Variants in PMEL observed in about 807,000 individuals in gnomAD.
The protein encoded by PMEL is melanocyte protein PMEL.
In PMEL, 53 loss-of-function variants were observed where a neutral mutation model predicts 64.9. That is an observed-to-expected ratio of 0.82 (90% confidence interval 0.66 to 1.03). The LOEUF (loss-of-function observed/expected upper bound fraction) is 1.03. Among genes scored for constraint, PMEL ranks in the 50% least tolerant of loss-of-function variants. The probability of loss-of-function intolerance (pLI) is 0.00; values close to 1 mark genes in which losing one functional copy is unlikely to be tolerated. For synonymous variants in PMEL, 299 were observed against 316.2 expected (o/e 0.95, Z 0.58); for missense variants, 716 against 814.9 (o/e 0.88, Z 1.48).
At chr12:55,962,585 G>A (rs557008536) in intron 1 of PMEL, among the ~76,000 whole-genome samples, 6 of 132,396 alleles carry the variant, frequency 4.5e-5, no homozygotes, top group African/African-American at 8.8e-5. Flanking sequence ...ATGCAGTGGC[G>A]TGATCTTGGC....
intron 3 of PMEL, 193 bp downstream of exon 3, chr12:55,961,123 TG>T (rs1889086264): frequency 2.0e-6 from 1 of 503,064 alleles, no homozygotes; most frequent in South Asian, 2.2e-5. Flanking sequence ...GAGAATGGCG[TG>T]AACCCGGGAG....
At position 55,960,410 on chromosome 12, in the gene PMEL, CTG is replaced by C. The variant is rs568857082; in HGVS notation, c.334+905_334+906del. Among the ~76,000 whole-genome samples the C allele has an allele frequency of 3.3e-5, 5 of 151,930 alleles. No homozygotes were observed. The South Asian group carries it at 8.3e-4, about 25-fold the overall frequency. On this transcript the variant is annotated intron_variant, in intron 3 of 10. Coordinates refer to ENST00000548747, the MANE Select transcript of PMEL (RefSeq NM_001384361.1). ...TTTCTTTTTGAGACAGGGTCTCACT[CTG>C]TCACCCAGGCTGAAGTACAGTGGCG...
At chr12:55,963,512 C>T (rs1268829753) in intron 1 of PMEL, among the ~76,000 whole-genome samples, 2 of 152,308 alleles carry the variant, frequency 1.3e-5, no homozygotes, top group South Asian at 2.1e-4. Context: ...TGCATAAGCA[C>T]AATGTCATTT....
Position 55,956,980 on chromosome 12 carries a change from G to A in PMEL, c.1323C>T (p.Ala441=), listed in dbSNP as rs765900651. 5.0e-6 allele frequency: 8 copies of A among 1,614,170 alleles called. No homozygotes were observed. The Admixed American group carries it at 1.2e-4, about 24-fold the overall frequency. ...TACTTTCCGTAGACATGATTGAGCTGGCATCTGGACCTTCAGGCTCAGGGA... is the reference window on the plus strand; with the variant it reads ...TACTTTCCGTAGACATGATTGAGCTAGCATCTGGACCTTCAGGCTCAGGGA... ...LPIPEPEGPD[A]SSIMSTESIT... The change falls in exon 6 of 11, where the codon GCC becomes GCT. Residue 441 remains alanine (A), a synonymous_variant. Coordinates refer to ENST00000548747, the MANE Select transcript of PMEL (RefSeq NM_001384361.1).
At position 55,957,965 on chromosome 12, in the gene PMEL, A is replaced by G. The variant is rs1888956601; in HGVS notation, c.589T>C (p.Tyr197His). 1 of 1,614,092 alleles carries G rather than the reference A, an allele frequency of 6.2e-7. No homozygotes were observed. The highest frequency in any genetic ancestry group is 1.7e-5 in the Admixed American group (1 of 60,004). Residue 197 changes from tyrosine to histidine, a missense_variant, in exon 5 of 11, where the codon TAT (tyrosine) becomes CAT (histidine). By Grantham distance (83) the Tyr-to-His change is moderately conservative. Coordinates refer to ENST00000548747, the MANE Select transcript of PMEL (RefSeq NM_001384361.1). ...GAGCTGGAATGAGCAAGAGGCACATAGCTCCGGGATCCCCGGCGATGGTAG... is the reference window on the plus strand; with the variant it reads ...GAGCTGGAATGAGCAAGAGGCACATGGCTCCGGGATCCCCGGCGATGGTAG... Reference protein sequence around the residue: ...TVYHRRGSRSYVPLAHSSSAF... With the variant: ...TVYHRRGSRSHVPLAHSSSAF...
At chr12:55,963,806 G>A (rs1056180476) in intron 1 of PMEL, among the ~76,000 whole-genome samples, 1 of 152,130 alleles carries the variant, frequency 6.6e-6, no homozygotes, top group African/African-American at 2.4e-5. Flanking sequence ...GGGATATAAT[G>A]TATGTATTTC....
rs1461468952 is a variant in PMEL at position 55,959,227 on chromosome 12, TA to T, written c.335-621del. Among the ~76,000 whole-genome samples the T allele has an allele frequency of 4.7e-5, 7 of 150,176 alleles. No homozygotes were observed. The East Asian group carries it at 8.1e-4, about 17-fold the overall frequency. ...AGACCCTGTCTCTACAAAATACATTTAAAAAAAATTAGCCAGGTGTGGTGGT... is the reference window on the plus strand; with the variant it reads ...AGACCCTGTCTCTACAAAATACATTTAAAAAAATTAGCCAGGTGTGGTGGT... On this transcript the variant is annotated intron_variant, in intron 3 of 10. Transcript: ENST00000548747.
chr12:55,958,316 G>A, intron 4 of PMEL, 157 bp downstream of exon 4: 1 of 816,628 alleles, frequency 1.2e-6, no homozygotes, highest in Non-Finnish European at 1.9e-6. Context: ...AGAGTTGAAG[G>A]GGGCTAGGTG....
At chr12:55,959,362 G>A (rs1205575630) in intron 3 of PMEL, among the ~76,000 whole-genome samples, 2 of 151,066 alleles carry the variant, frequency 1.3e-5, no homozygotes, top group Non-Finnish European at 2.9e-5. Context: ...TCCAGCCTGG[G>A]AGAGAGAGAA....
Position 55,958,489 on chromosome 12 carries a change from A to G in PMEL, c.453T>C (p.Tyr151=). 1 of 1,614,126 alleles carries G rather than the reference A, an allele frequency of 6.2e-7. No homozygotes were observed. Among genetic ancestry groups the G allele is most frequent in the Non-Finnish European group, 8.5e-7 (1 of 1,180,000 alleles). The stretch of plus-strand genomic sequence containing the variant: ...GTCCCTCACCCCAGGTCTTCCAGAC[A>G]TAAACAAAGCTTCTCTTCTGAGACC... ...GSWSQKRSFV[Y]VWKTWGQYWQ... is the part of the protein sequence containing the mutation. Residue 151 remains tyrosine, a synonymous_variant, in exon 4 of 11, where the codon TAT becomes TAC. Transcript: ENST00000548747.
Position 55,955,640 on chromosome 12 carries a change from G to T in PMEL, c.1586C>A (p.Ser529Ter). Residue 529 changes from serine (S) to a stop codon, truncating the protein, a stop_gained, in exon 9 of 11, where the codon TCA becomes TAA. Transcript: ENST00000548747. LOFTEE classifies it high-confidence loss of function. Reference sequence around the variant, plus strand: ...GGCAGGGGGCTGGCACCCTGGCGATGAGATCTCCATGCAGGCTTCCTTGGG... The same window carrying T: ...GGCAGGGGGCTGGCACCCTGGCGATTAGATCTCCATGCAGGCTTCCTTGGG... ...GLPKEACMEI[S>*]SPGCQPPAQR... The T allele has an allele frequency of 6.2e-7, 1 of 1,613,436 alleles. No individual in the cohort carries two copies.
At chr12:55,954,731 C>G (rs1040177943) in intron 10 of PMEL, among the ~76,000 whole-genome samples, 2 of 152,170 alleles carry the variant, frequency 1.3e-5, no homozygotes, top group Non-Finnish European at 2.9e-5. Flanking sequence ...TGGCGAAACC[C>G]TGTCTTTACT....
chr12:55,956,911 C>T (rs1191284586), intron 6 of PMEL, 38 bp downstream of exon 6: 3 of 1,595,408 alleles, frequency 1.9e-6, no homozygotes, highest in South Asian at 1.1e-5. Flanking sequence ...AGTAGGGTAC[C>T]CCACCTCCGT....
intron 1 of PMEL, among the ~76,000 whole-genome samples, chr12:55,964,533 T>A (rs1889214956): frequency 6.6e-6 from 1 of 152,092 alleles, no homozygotes; most frequent in African/African-American, 2.4e-5. Flanking sequence ...CTTGAACTCC[T>A]GGGCTCAAGC....
chr12:55,962,468 A>C (rs1180684870), intron 1 of PMEL, among the ~76,000 whole-genome samples: 1 of 146,494 alleles, frequency 6.8e-6, no homozygotes, highest in African/African-American at 2.6e-5. Context: ...AAAAAAAAAA[A>C]AAACACAAAA....
intron 4 of PMEL, 84 bp downstream of exon 4, chr12:55,958,389 G>C: frequency 7.3e-7 from 1 of 1,375,322 alleles, no homozygotes. Flanking sequence ...AAGTTAAGGT[G>C]GAAGGGGCGG....
chr12:55,961,638 T>C lies in PMEL; in HGVS notation c.171A>G (p.Arg57=). 6.2e-7 allele frequency: 1 copy of C among 1,613,666 alleles called. No homozygotes were observed. Among genetic ancestry groups the C allele is most frequent in the Non-Finnish European group, 8.5e-7 (1 of 1,179,790 alleles). ...AGTTCCTACCTCTCCAGCAGTCAAG[T>C]CTCTGGGCTTCTGTCCACTCTGGAT... The part of the protein sequence containing the change: ...QLYPEWTEAQ[R]LDCWRGGQVS... The change falls in exon 2 of 11, where the codon AGA becomes AGG. Residue 57 remains arginine (R), a synonymous_variant. Transcript: ENST00000548747.
chr12:55,957,709 A>G, intron 5 of PMEL, 38 bp from the exon 6 acceptor site: 1 of 1,573,068 alleles, frequency 6.4e-7, no homozygotes, highest in South Asian at 1.2e-5. Flanking sequence ...ACCAGGCCTG[A>G]GCCACAGCTT....
At chr12:55,955,726 G>C (rs976036594) in intron 8 of PMEL, 53 bp downstream of exon 8, 33 of 1,607,530 alleles carry the variant, frequency 2.1e-5, no homozygotes, top group Admixed American at 1.7e-4. Flanking sequence ...AAATGCCAGA[G>C]AGCGGAGAAA....
Sources: gnomAD v4.1 joint callset for allele counts (sites outside exome capture counted in the v4.1 genomes callset) on GRCh38, gnomAD v4.1.1 for gene constraint, MANE v1.5 for transcripts, NCBI Gene and HGNC (gene_info 2026-07-23, HGNC 2026-07-21) for gene names.